The following LUZP2 variants were observed in gnomAD, a reference collection of about 807,000 sequenced individuals.
The protein encoded by LUZP2 is leucine zipper protein 2.
Under a neutral mutation model 51.6 loss-of-function variants are expected in LUZP2, and 52 were observed. The ratio of observed to expected loss-of-function variants is 1.01; its 90% CI spans 0.81 to 1.27. LUZP2 has a LOEUF of 1.27. LUZP2 is among the 50% of genes most tolerant of loss of function. The pLI is 0.00. For missense variants in LUZP2, 436 were observed against 395.4 expected (o/e 1.10, Z -0.87); for synonymous variants, 154 against 137.3 (o/e 1.12, Z -0.85).
chr11:24,603,313 GCTCAGCTTGA>G (rs1386048550), intron 1 of LUZP2, among the ~76,000 whole-genome samples: 1 of 151,764 alleles, frequency 6.6e-6, no homozygotes, highest in Non-Finnish European at 1.5e-5. Context: ...ACCCAAAAAG[GCTCAGCTTGA>G]CTCATCTTTT....
At chr11:24,498,575 G>A (rs775182089) in intron 1 of LUZP2, among the ~76,000 whole-genome samples, 17 of 152,104 alleles carry the variant, frequency 1.1e-4, no homozygotes, top group Non-Finnish European at 2.5e-4. Flanking sequence ...TTCATTTTCT[G>A]TAAGGTTTGC....
intron 7 of LUZP2, among the ~76,000 whole-genome samples, chr11:24,934,120 C>A (rs564954797): frequency 2.0e-5 from 3 of 152,080 alleles, no homozygotes; most frequent in African/African-American, 7.2e-5. Flanking sequence ...TAGGGTGGGG[C>A]AGGAACAAAT....
intron 1 of LUZP2, among the ~76,000 whole-genome samples, chr11:24,691,287 T>C (rs1465220917): frequency 1.3e-5 from 2 of 151,970 alleles, no homozygotes; most frequent in African/African-American, 4.8e-5. Flanking sequence ...AAAATTAGTG[T>C]TCCCTTAAAA....
At chr11:24,812,164 T>G (rs1850042114) in intron 5 of LUZP2, among the ~76,000 whole-genome samples, 1 of 151,934 alleles carries the variant, frequency 6.6e-6, no homozygotes, top group Non-Finnish European at 1.5e-5. Context: ...AATATGTATT[T>G]TTTATGTTAT....
chr11:24,559,308 A>G (rs1851963318), intron 1 of LUZP2, among the ~76,000 whole-genome samples: 2 of 152,158 alleles, frequency 1.3e-5, no homozygotes. Context: ...TCAAACTAAA[A>G]CCTAAATGGT....
At chr11:25,050,916 A>C (rs1023954400) in intron 10 of LUZP2, among the ~76,000 whole-genome samples, 7 of 152,120 alleles carry the variant, frequency 4.6e-5, no homozygotes, top group Non-Finnish European at 1.0e-4. Context: ...GAGTCTTTTC[A>C]CTCTTTAAAA....
rs539459157 is a variant in LUZP2, at chr11:24,952,676, T to C, written c.523-23915T>C. Reference sequence around the variant, plus strand: ...TTTTTACTTCCTTTAGTTACCTTTATATATGTTTCTTTGACTTGGCAGACT... The same window carrying C: ...TTTTTACTTCCTTTAGTTACCTTTACATATGTTTCTTTGACTTGGCAGACT... On this transcript the variant is annotated intron_variant, in intron 7 of 11. Transcript: ENST00000336930. Among the ~76,000 whole-genome samples, 4 of 152,030 alleles carry C rather than the reference T, an allele frequency of 2.6e-5. No homozygotes were observed. The East Asian group carries it at 7.7e-4, about 29-fold the overall frequency.
chr11:24,994,961 A>G (rs1226128991), intron 9 of LUZP2, among the ~76,000 whole-genome samples: 1 of 152,216 alleles, frequency 6.6e-6, no homozygotes, highest in Admixed American at 6.5e-5. Flanking sequence ...TCTACTTTGA[A>G]ATTATATTAT....
At chr11:24,999,741 C>T (rs35294400) in intron 9 of LUZP2, among the ~76,000 whole-genome samples, 59,138 of 152,046 alleles carry the variant, frequency 0.39, 13,790 homozygotes, top group East Asian at 0.68. Flanking sequence ...TTGTTTTAAA[C>T]TCACAACCTT....
chr11:25,053,454 A>G (rs1281386024), intron 10 of LUZP2, among the ~76,000 whole-genome samples: 3 of 152,002 alleles, frequency 2.0e-5, no homozygotes, highest in Non-Finnish European at 4.4e-5. Flanking sequence ...ATATAAGTGT[A>G]TGTTTCAATC....
rs749070763 is a variant in LUZP2 at position 25,077,425 on chromosome 11, T to G, written c.936+19T>G. 2.4e-5 allele frequency: 36 copies of G among 1,470,954 alleles called. 1 individual carries two copies. Among genetic ancestry groups the G allele is most frequent in the Non-Finnish European group, 4.7e-6 (5 of 1,064,234 alleles). The allele number at this position is 1,470,954 out of a possible 1,614,324, so 91.1% of individuals were successfully genotyped here. A position where few individuals can be genotyped will look rare whatever the true frequency, so the allele number is the denominator to read the frequency against. ...CCCACAGGTATGTGTTTGTTTTATT[T>G]CGTTTGTGTCAAAAAGCATTTATTG... On this transcript the variant is annotated intron_variant, in intron 11 of 11. Coordinates refer to ENST00000336930, the MANE Select transcript of LUZP2 (RefSeq NM_001009909.4).
At chr11:24,689,006 C>T (rs1328543608) in intron 1 of LUZP2, among the ~76,000 whole-genome samples, 1 of 152,102 alleles carries the variant, frequency 6.6e-6, no homozygotes, top group African/African-American at 2.4e-5. Flanking sequence ...CAATTCTTGT[C>T]TCCTTGGAGG....
chr11:24,937,695 A>G (rs570346780), intron 7 of LUZP2, among the ~76,000 whole-genome samples: 5 of 151,862 alleles, frequency 3.3e-5, no homozygotes, highest in Non-Finnish European at 7.4e-5. Context: ...AGGTCAGGAG[A>G]TCAAGACCAT....
intron 10 of LUZP2, among the ~76,000 whole-genome samples, chr11:25,076,013 T>TTA (rs911692671): frequency 2.4e-4 from 37 of 151,576 alleles, no homozygotes; most frequent in African/African-American, 7.7e-4. Flanking sequence ...AATATAATAA[T>TTA]TATATATATT....
intron 1 of LUZP2, among the ~76,000 whole-genome samples, chr11:24,540,632 T>C (rs1397243956): frequency 1.3e-5 from 2 of 152,110 alleles, no homozygotes; most frequent in African/African-American, 4.8e-5. Flanking sequence ...TTATGTTAGC[T>C]TGAGCAGACT....
chr11:24,531,365 G>A (rs1158369718), intron 1 of LUZP2, among the ~76,000 whole-genome samples: 2 of 150,814 alleles, frequency 1.3e-5, no homozygotes, highest in South Asian at 2.1e-4. Flanking sequence ...ATATATGAAT[G>A]TAATGTATAA....
chr11:24,726,471 T>TA (rs548140424), intron 1 of LUZP2, among the ~76,000 whole-genome samples: 36 of 148,774 alleles, frequency 2.4e-4, no homozygotes, highest in Non-Finnish European at 3.1e-4. Flanking sequence ...AATTAAAAAT[T>TA]AAAAAAAAAA....
At position 24,914,506 on chromosome 11, in the gene LUZP2, C is replaced by A; in HGVS notation, c.490C>A (p.Leu164Ile). 6.2e-7 allele frequency: 1 copy of A among 1,609,524 alleles called. No individual in the cohort carries two copies. Among genetic ancestry groups the A allele is most frequent in the Non-Finnish European group, 8.5e-7 (1 of 1,178,412 alleles). The change falls in exon 7 of 12, where the codon CTT (leucine) becomes ATT (isoleucine). Residue 164 changes from leucine (L) to isoleucine (I), a missense_variant. By Grantham distance (5) the Leu-to-Ile change is conservative. Coordinates refer to ENST00000336930, the MANE Select transcript of LUZP2 (RefSeq NM_001009909.4). Reference sequence around the variant, plus strand: ...AAAAATCCAAGCCCAGCTGAAGGAGCTTCGTTATGGGAAGAAGGATTTATT... The same window carrying A: ...AAAAATCCAAGCCCAGCTGAAGGAGATTCGTTATGGGAAGAAGGATTTATT... ...SKKIQAQLKE[L>I]RYGKKDLLFK...
intron 5 of LUZP2, among the ~76,000 whole-genome samples, chr11:24,776,575 A>G (rs376349454): frequency 1.2e-4 from 18 of 152,214 alleles, no homozygotes; most frequent in Middle Eastern, 3.2e-3. Flanking sequence ...TTCAAATCAT[A>G]GAATGCAGTA....
Sources: allele counts gnomAD v4.1 joint callset (sites outside exome capture counted in the v4.1 genomes callset), GRCh38; gene constraint gnomAD v4.1.1; transcripts MANE v1.5; gene names NCBI Gene and HGNC (gene_info 2026-07-23, HGNC 2026-07-21).